Variants in GULP1 observed in about 807,000 individuals in gnomAD.
GULP1 encodes the protein GULP PTB domain containing engulfment adaptor 1.
GULP1 carries 19 observed loss-of-function variants against 40.9 expected under a neutral mutation model. That is an observed-to-expected ratio of 0.46 (90% CI 0.32 to 0.68). GULP1 has a LOEUF of 0.68. Among genes scored for constraint, GULP1 ranks in the 30% least tolerant of loss-of-function variants. GULP1 has a pLI of 0.03. For synonymous variants in GULP1, 119 were observed against 117.6 expected (o/e 1.01, Z -0.08); for missense variants, 312 against 362.2 (o/e 0.86, Z 1.12).
chr2:188,511,677 T>C (rs2064561148), intron 4 of GULP1, among the ~76,000 whole-genome samples: 1 of 152,064 alleles, frequency 6.6e-6, no homozygotes. Flanking sequence ...GACTTAAACA[T>C]GGAAATTGTA....
intron 1 of GULP1, among the ~76,000 whole-genome samples, chr2:188,330,407 CAG>C (rs1188063802): frequency 6.6e-6 from 1 of 151,990 alleles, no homozygotes; most frequent in Non-Finnish European, 1.5e-5. Flanking sequence ...TTTTAAATGT[CAG>C]AAAGTGAGAG....
intron 7 of GULP1, 69 bp downstream of exon 7, chr2:188,541,387 A>G (rs1410354783): frequency 1.6e-6 from 2 of 1,251,640 alleles, no homozygotes; most frequent in South Asian, 1.2e-5. Context: ...TGCTTCTGGC[A>G]TTGGCAAAGT....
At chr2:188,569,032 T>C (rs1698454460) in intron 7 of GULP1, among the ~76,000 whole-genome samples, 1 of 152,118 alleles carries the variant, frequency 6.6e-6, no homozygotes, top group Admixed American at 6.6e-5. Context: ...CCGCTTGTTT[T>C]TTCAATGTTG....
chr2:188,514,451 G>GA (rs1326016685), intron 4 of GULP1, among the ~76,000 whole-genome samples: 1 of 151,646 alleles, frequency 6.6e-6, no homozygotes, highest in African/African-American at 2.4e-5. Flanking sequence ...TTATTGTACA[G>GA]AAAAAATAAA....
chr2:188,441,509 C>T (rs1242380793), intron 2 of GULP1, among the ~76,000 whole-genome samples: 3 of 152,166 alleles, frequency 2.0e-5, no homozygotes, highest in Non-Finnish European at 4.4e-5. Flanking sequence ...ATCAACCTTG[C>T]TGCTGCTCAG....
intron 11 of GULP1, chr2:188,588,187 A>C (rs1702803293): frequency 2.1e-6 from 1 of 485,592 alleles, no homozygotes; most frequent in Non-Finnish European, 3.8e-6. Flanking sequence ...AAGATGGTTC[A>C]TTTTTTAAAT....
intron 1 of GULP1, among the ~76,000 whole-genome samples, chr2:188,348,284 A>G (rs567307622): frequency 2.0e-5 from 3 of 152,340 alleles, no homozygotes; most frequent in Non-Finnish European, 4.4e-5. Flanking sequence ...TAATAGATTC[A>G]GTGTCAGACC....
intron 2 of GULP1, among the ~76,000 whole-genome samples, chr2:188,454,291 C>T (rs541208866): frequency 1.3e-5 from 2 of 152,242 alleles, no homozygotes; most frequent in South Asian, 4.1e-4. Flanking sequence ...GTGGTTTCTC[C>T]CCCAGTATGG....
intron 1 of GULP1, among the ~76,000 whole-genome samples, chr2:188,315,225 A>G (rs1435769249): frequency 7.2e-5 from 11 of 152,198 alleles, no homozygotes; most frequent in Non-Finnish European, 1.6e-4. Flanking sequence ...TGTAAAAGTT[A>G]TGGCTGCAGT....
intron 2 of GULP1, among the ~76,000 whole-genome samples, chr2:188,386,552 T>C (rs975728789): frequency 7.2e-5 from 11 of 152,144 alleles, no homozygotes; most frequent in African/African-American, 2.4e-4. Context: ...ATATATAATA[T>C]GTTTTAAAAT....
Position 188,541,274 on chromosome 2 carries a change from G to T in GULP1, c.355G>T (p.Glu119Ter). 1 of 1,611,954 alleles carries T rather than the reference G, an allele frequency of 6.2e-7. No homozygotes were observed. Among genetic ancestry groups the T allele is most frequent in the Non-Finnish European group, 8.5e-7 (1 of 1,178,158 alleles). The stretch of plus-strand genomic sequence containing the variant: ...ATTCACTTTCATATGCAAAGATTCT[G>T]AGTCAAATAAACATTTGTGCTATGT... ...RIFTFICKDS[E>*]SNKHLCYVFD... Residue 119 changes from glutamate to a stop codon, truncating the protein, a stop_gained, in exon 7 of 12, where the codon GAG (glutamate) becomes TAG (stop). Coordinates refer to ENST00000409830, the MANE Select transcript of GULP1 (RefSeq NM_016315.4). LOFTEE classifies it high-confidence loss of function.
chr2:188,549,668 C>G (rs981748513), intron 7 of GULP1, among the ~76,000 whole-genome samples: 3 of 151,678 alleles, frequency 2.0e-5, no homozygotes, highest in Non-Finnish European at 3.0e-5. Flanking sequence ...AATGTTCACA[C>G]AAAAACCTAT....
rs947272443 is a variant in GULP1, at chr2:188,349,368, A to G, written c.-171-34395A>G. Among the ~76,000 whole-genome samples, 3 of 152,170 alleles carry G rather than the reference A, an allele frequency of 2.0e-5. 1 individual carries two copies. Among genetic ancestry groups the G allele is most frequent in the Non-Finnish European group, 4.4e-5 (3 of 68,022 alleles). ...AGTATTTTACAATCCTATCAACAAT[A>G]TATGAGGGTTCCAATTTCTTTTCAT... On this transcript the variant is annotated intron_variant, in intron 1 of 11. Transcript: ENST00000409830.
intron 2 of GULP1, among the ~76,000 whole-genome samples, chr2:188,418,546 T>G (rs944193444): frequency 6.6e-6 from 1 of 152,026 alleles, no homozygotes; most frequent in African/African-American, 2.4e-5. Flanking sequence ...GGCACAAGAA[T>G]CAGTTGAACC....
chr2:188,339,278 T>C lies in GULP1; in HGVS notation c.-171-44485T>C, dbSNP rs73036476. ...GATGTTATCATTAGACTTATGCAGA[T>C]TTAGGCTTGGCTTTGCTTGTGAATT... On this transcript the variant is annotated intron_variant, in intron 1 of 11. Transcript: ENST00000409830. Among the ~76,000 whole-genome samples the C allele has an allele frequency of 5.2e-3, 797 of 152,322 alleles. 6 individuals are homozygous for C. The highest frequency in any genetic ancestry group is 0.018 in the African/African-American group (729 of 41,580).
chr2:188,566,980 G>C (rs1576160987), intron 7 of GULP1, among the ~76,000 whole-genome samples: 2 of 151,558 alleles, frequency 1.3e-5, no homozygotes, highest in Non-Finnish European at 2.9e-5. Flanking sequence ...GATATGAAGA[G>C]ACACTTCTCA....
At chr2:188,304,439 G>GT (rs1052669270) in intron 1 of GULP1, among the ~76,000 whole-genome samples, 4 of 152,128 alleles carry the variant, frequency 2.6e-5, no homozygotes, top group South Asian at 2.1e-4. Context: ...CATGTTAAAT[G>GT]TTTTTTACAA....
chr2:188,351,114 T>C (rs2044389095), intron 1 of GULP1, among the ~76,000 whole-genome samples: 1 of 152,108 alleles, frequency 6.6e-6, no homozygotes, highest in Non-Finnish European at 1.5e-5. Context: ...CAATTAGCTC[T>C]TAGAAAAATA....
intron 11 of GULP1, chr2:188,589,953 C>T (rs1188259784): frequency 3.1e-6 from 1 of 326,038 alleles, no homozygotes; most frequent in Non-Finnish European, 5.4e-6. Flanking sequence ...GCATTGTTCA[C>T]TTCATTGTTT....
Sources: allele counts gnomAD v4.1 joint callset (sites outside exome capture counted in the v4.1 genomes callset), GRCh38; gene constraint gnomAD v4.1.1; transcripts MANE v1.5; gene names NCBI Gene and HGNC (gene_info 2026-07-23, HGNC 2026-07-21).